PARP16: variants seen among roughly 807,000 people sequenced by gnomAD.
PARP16 encodes the protein poly(ADP-ribose) polymerase family member 16.
A neutral mutation model predicts 35.0 loss-of-function variants in PARP16; 31 were observed. The ratio of observed to expected loss-of-function variants is 0.88; its 90% CI spans 0.66 to 1.19. PARP16 has a LOEUF of 1.19. PARP16 is among the 50% of genes most tolerant of loss of function. The pLI, the probability that PARP16 is intolerant of heterozygous loss-of-function variation, is 0.00. For missense variants in PARP16, 424 were observed against 411.2 expected, an observed-to-expected ratio of 1.03 and a Z score of -0.27; for synonymous variants, 162 against 169.5, an observed-to-expected ratio of 0.96 and a Z score of 0.34.
chr15:65,263,928 C>T (rs778143880), intron 3 of PARP16, among the ~76,000 whole-genome samples: 4 of 151,908 alleles, frequency 2.6e-5, no homozygotes, highest in East Asian at 3.9e-4. Flanking sequence ...AGGGGTCCCA[C>T]CTGAGAAGGG....
At position 65,275,944 on chromosome 15, in the gene PARP16, A is replaced by T. The variant is rs767537779; in HGVS notation, c.175-4872T>A. Among the ~76,000 whole-genome samples, 4 of 152,126 alleles carry T rather than the reference A, an allele frequency of 2.6e-5. No individual in the cohort carries two copies. The East Asian group carries it at 7.7e-4, about 29-fold the overall frequency. ...GAGTCACAGCCCTTGTCAACAGTCC[A>T]TATCTAGGCCCAGAGAGCCCCACAA... On this transcript the variant is annotated intron_variant, in intron 1 of 5. Transcript: ENST00000649807.
chr15:65,265,053 C>G (rs1439342475), intron 3 of PARP16, among the ~76,000 whole-genome samples: 1 of 152,194 alleles, frequency 6.6e-6, no homozygotes, highest in Admixed American at 6.5e-5. Context: ...GGACTGAGAG[C>G]CAGTGTAAAC....
intron 4 of PARP16, 135 bp from the exon 5 acceptor site, chr15:65,261,161 T>G (rs2089698908): frequency 1.4e-6 from 1 of 699,420 alleles, no homozygotes; most frequent in Non-Finnish European, 2.3e-6. Flanking sequence ...GACCTGTGTG[T>G]GCATGAAGCA....
chr15:65,236,533 G>A (rs1222860749), intron 3 of PARP16, among the ~76,000 whole-genome samples: 2 of 152,252 alleles, frequency 1.3e-5, no homozygotes, highest in Non-Finnish European at 2.9e-5. Flanking sequence ...CCCTAGAGTA[G>A]GAGAAACAGC....
Position 65,280,146 on chromosome 15 carries a change from T to C in PARP16, c.174+6107A>G, listed in dbSNP as rs566505511. 3.3e-5 allele frequency among the ~76,000 whole-genome samples: 5 copies of C among 152,114 alleles called. 1 individual carries two copies. The South Asian group carries it at 8.3e-4, about 25-fold the overall frequency. ...GCATCGAAAGCCTTCCTTAGAAAGGTTAGCCATGAGCCAGGTGTGGTGGTT... is the reference window on the plus strand; with the variant it reads ...GCATCGAAAGCCTTCCTTAGAAAGGCTAGCCATGAGCCAGGTGTGGTGGTT... On this transcript the variant is annotated intron_variant, in intron 1 of 5. Transcript: ENST00000649807.
Position 65,267,678 on chromosome 15 carries a change from C to CTTT in PARP16, c.313-913_313-911dup, listed in dbSNP as rs556058787. Among the ~76,000 whole-genome samples the CTTT allele has an allele frequency of 4.6e-3, 242 of 53,054 alleles. 83 individuals carry two copies. The highest frequency in any genetic ancestry group is 0.013 in the African/African-American group (172 of 13,756). 34.8% of individuals were successfully genotyped at this position (53,054 alleles called of 152,430 possible). The stretch of plus-strand genomic sequence containing the variant: ...TGGAGATCACTTCTAATTTTCCTAA[C>CTTT]TTTTTTTTTTTTTTTTTTTTTTTTT... On this transcript the variant is annotated intron_variant, in intron 2 of 5. Coordinates refer to ENST00000649807, the MANE Select transcript of PARP16 (RefSeq NM_001316943.2).
At chr15:65,280,810 A>G (rs1410086654) in intron 1 of PARP16, among the ~76,000 whole-genome samples, 1 of 152,152 alleles carries the variant, frequency 6.6e-6, no homozygotes, top group Non-Finnish European at 1.5e-5. Context: ...AGGGAGGAAA[A>G]AAAAGAGAAA....
intron 1 of PARP16, among the ~76,000 whole-genome samples, chr15:65,278,141 C>T (rs770072118): frequency 1.3e-5 from 2 of 152,166 alleles, no homozygotes; most frequent in Admixed American, 6.5e-5. Flanking sequence ...CCCCAGGGCC[C>T]GAGAGGTAAA....
downstream of PARP16, chr15:65,257,961 A>C (rs1342232099): frequency 6.6e-6 from 1 of 152,160 alleles, no homozygotes; most frequent in African/African-American, 2.4e-5. Context: ...CACCTCCTAG[A>C]TATCATATCC....
intron 2 of PARP16, among the ~76,000 whole-genome samples, chr15:65,249,493 AG>A (rs1260801754): frequency 1.3e-5 from 2 of 152,254 alleles, no homozygotes; most frequent in African/African-American, 4.8e-5. Flanking sequence ...ACCTGGAGAC[AG>A]ACAGCTACCT....
At chr15:65,285,116 G>A (rs906892822) in intron 1 of PARP16, among the ~76,000 whole-genome samples, 31 of 147,624 alleles carry the variant, frequency 2.1e-4, no homozygotes, top group African/African-American at 6.8e-4. Flanking sequence ...AGAAAAGTTC[G>A]CCCAATAACC....
chr15:65,264,148 C>T (rs2089822072), intron 3 of PARP16, among the ~76,000 whole-genome samples: 1 of 152,150 alleles, frequency 6.6e-6, no homozygotes, highest in Non-Finnish European at 1.5e-5. Flanking sequence ...GCAGCATCTC[C>T]CTGGTGGTGC....
chr15:65,272,584 C>T (rs528817172), intron 1 of PARP16, among the ~76,000 whole-genome samples: 31 of 152,300 alleles, frequency 2.0e-4, no homozygotes, highest in Non-Finnish European at 3.5e-4. Context: ...CCTCTACTAC[C>T]CAGGCACTTC....
In PARP16 at chr15:65,286,817, C is replaced by G. The variant is rs2090615497; in HGVS notation, c.-391G>C. On this transcript the variant is annotated 5_prime_UTR_variant, in exon 1 of 6. Transcript: ENST00000649807. Reference sequence around the variant, plus strand: ...CGGAGGCCTGGGGCGGGAAGCAGCCCCCGGGGGACGGCGGGCAGAGCCCAC... The same window carrying G: ...CGGAGGCCTGGGGCGGGAAGCAGCCGCCGGGGGACGGCGGGCAGAGCCCAC... 1 of 185,222 alleles carries G rather than the reference C, an allele frequency of 5.4e-6. No homozygotes were observed. The highest frequency in any genetic ancestry group is 2.3e-5 in the African/African-American group (1 of 42,726). The allele number at this position is 185,222 out of a possible 1,614,324, so 11.5% of individuals were successfully genotyped here. A position where few individuals can be genotyped will look rare whatever the true frequency, so the allele number is the denominator to read the frequency against.
At position 65,250,077 on chromosome 15, in the gene PARP16, C is replaced by T. The variant is rs569241507; in HGVS notation, c.203-1849G>A. ...CCTAGGTCTTCTTTGCTCAGACAGC[C>T]CCTCTAGCTGCAGCCTTGCACCTGC... On this transcript the variant is annotated intron_variant and NMD_transcript_variant, in intron 2 of 3. Coordinates refer to the PARP16 transcript ENST00000559805. Among the ~76,000 whole-genome samples, 223 of 151,158 alleles carry T rather than the reference C, an allele frequency of 1.5e-3. 1 individual carries two copies. Among genetic ancestry groups the T allele is most frequent in the African/African-American group, 5.2e-3 (214 of 41,156 alleles).
rs2089793868 is a variant in PARP16, at chr15:65,263,256, G to A, written c.584C>T (p.Pro195Leu). Residue 195 changes from proline to leucine, a missense_variant, in exon 4 of 6, where the codon CCC becomes CTC. Coordinates refer to ENST00000649807, the MANE Select transcript of PARP16 (RefSeq NM_001316943.2). ...GCTGTGCTGCCACCCATGGCCATGG[G>A]GGCTGTATATGAGGGCCAGGCTCAA... is the stretch of plus-strand genomic sequence containing the variant. ...SDLSLALIYSPHGHGWQHSLL... is the reference protein window; with the variant it reads ...SDLSLALIYSLHGHGWQHSLL... The A allele has an allele frequency of 6.2e-7, 1 of 1,613,926 alleles. No homozygotes were observed. Among genetic ancestry groups the A allele is most frequent in the South Asian group, 1.1e-5 (1 of 91,068 alleles).
chr15:65,273,355 T>C (rs2140928627), intron 1 of PARP16, among the ~76,000 whole-genome samples: 1 of 151,824 alleles, frequency 6.6e-6, no homozygotes, highest in East Asian at 1.9e-4. Context: ...TTTGGGAGTT[T>C]TTCTTAGCTC....
At chr15:65,254,956 G>A (rs148973268), downstream of PARP16, among the ~76,000 whole-genome samples, 412 of 152,292 alleles carry the variant, frequency 2.7e-3, 2 homozygotes, top group African/African-American at 9.0e-3. Flanking sequence ...ACAGCTCATG[G>A]GATGCTGTGC....
intron 3 of PARP16, among the ~76,000 whole-genome samples, chr15:65,236,415 T>C (rs1278293868): frequency 6.6e-6 from 1 of 152,176 alleles, no homozygotes; most frequent in Non-Finnish European, 1.5e-5. Context: ...AAGAGAGAAT[T>C]CTCTGCAGAA....
Sources: gnomAD v4.1 joint callset for allele counts (sites outside exome capture counted in the v4.1 genomes callset) on GRCh38, gnomAD v4.1.1 for gene constraint, MANE v1.5 for transcripts, NCBI Gene and HGNC (gene_info 2026-07-23, HGNC 2026-07-21) for gene names.